Variants in FBXO31 observed in about 807,000 individuals in gnomAD.
The protein encoded by FBXO31 is F-box protein 31, also known as F-box only protein 31.
FBXO31 carries 24 observed loss-of-function variants against 54.4 expected under a neutral mutation model. The ratio of observed to expected loss-of-function variants is 0.44; its 90% CI spans 0.32 to 0.62. The LOEUF is 0.62. Among genes scored for constraint, FBXO31 ranks in the 20% least tolerant of loss-of-function variants. FBXO31 has a pLI of 0.05. For missense variants in FBXO31, 665 were observed against 787.1 expected, an observed-to-expected ratio of 0.84 and a Z score of 1.86; for synonymous variants, 388 against 335.6, an observed-to-expected ratio of 1.16 and a Z score of -1.71.
chr16:87,360,907 G>C (rs1218843988), intron 1 of FBXO31, among the ~76,000 whole-genome samples: 1 of 152,150 alleles, frequency 6.6e-6, no homozygotes. Context: ...GCCCAGTGCA[G>C]GGCCCTGGAC....
At position 87,343,842 on chromosome 16, in the gene FBXO31, C is replaced by T. The variant is rs766920382; in HGVS notation, c.490-77G>A. On this transcript the variant is annotated intron_variant, in intron 3 of 8. Coordinates refer to ENST00000311635, the MANE Select transcript of FBXO31 (RefSeq NM_024735.5). ...GGGCGGCCCCGCACGGCTCCCCGCA[C>T]TGCAATGGCACAGAGAAGCTCCTGC... is the stretch of plus-strand genomic sequence containing the variant. 5 of 1,521,786 alleles carry T rather than the reference C, an allele frequency of 3.3e-6. No individual in the cohort carries two copies. The African/African-American group carries it at 6.8e-5, about 21-fold the overall frequency. The allele number at this position is 1,521,786 out of a possible 1,614,324, so 94.3% of individuals were successfully genotyped here.
In FBXO31 at chr16:87,327,176, T is replaced by C. The variant is rs137954513; in HGVS notation, c.*4112A>G. 2.6e-5 allele frequency: 4 copies of C among 152,798 alleles called. No homozygotes were observed. The highest frequency in any genetic ancestry group is 9.6e-5 in the African/African-American group (4 of 41,576). 9.5% of individuals were successfully genotyped at this position (152,798 alleles called of 1,614,324 possible). A position where few individuals can be genotyped will look rare whatever the true frequency, so the allele number is the denominator to read the frequency against. ...ATCAGATGGCACAGCGCTTTCCTAATGCAGGCAGGCTACATGGCCCCCAGA... is the reference window on the plus strand; with the variant it reads ...ATCAGATGGCACAGCGCTTTCCTAACGCAGGCAGGCTACATGGCCCCCAGA... On this transcript the variant is annotated 3_prime_UTR_variant, in exon 9 of 9. Coordinates refer to ENST00000311635, the MANE Select transcript of FBXO31 (RefSeq NM_024735.5).
chr16:87,383,377 C>T lies in FBXO31; in HGVS notation c.340+28G>A. On this transcript the variant is annotated intron_variant, in intron 1 of 8. Transcript: ENST00000311635. The surrounding 1 kb of genome is among the most constrained non-coding windows in gnomAD (Gnocchi z 4.9). ...CACCTGGCAGGGACCCCCCGCCCCT[C>T]CCGGCCCCGCCACCCCCGCGCGCTC... 1.4e-6 allele frequency: 2 copies of T among 1,475,756 alleles called. No homozygotes were observed. Among genetic ancestry groups the T allele is most frequent in the Non-Finnish European group, 1.8e-6 (2 of 1,094,034 alleles). 91.4% of individuals were successfully genotyped at this position (1,475,756 alleles called of 1,614,324 possible). A position where few individuals can be genotyped will look rare whatever the true frequency, so the allele number is the denominator to read the frequency against.
chr16:87,369,691 A>C (rs118187521), intron 1 of FBXO31, among the ~76,000 whole-genome samples: 1 of 152,188 alleles, frequency 6.6e-6, no homozygotes, highest in African/African-American at 2.4e-5. Context: ...TATACCCAGA[A>C]GGAGACTTTT....
At chr16:87,371,176 A>G (rs925749360) in intron 1 of FBXO31, among the ~76,000 whole-genome samples, 1 of 152,262 alleles carries the variant, frequency 6.6e-6, no homozygotes, top group Non-Finnish European at 1.5e-5. Context: ...ACATCAGAGT[A>G]TGTGGGTGCT....
At chr16:87,341,767 T>C (rs1330218325) in intron 5 of FBXO31, among the ~76,000 whole-genome samples, 1 of 152,160 alleles carries the variant, frequency 6.6e-6, no homozygotes, top group East Asian at 1.9e-4. Context: ...ACATTTCCGT[T>C]ACTGATCATC....
chr16:87,353,024 C>T (rs1230803130), intron 2 of FBXO31, among the ~76,000 whole-genome samples: 1 of 152,138 alleles, frequency 6.6e-6, no homozygotes, highest in Non-Finnish European at 1.5e-5. Flanking sequence ...AAGGTGTTGG[C>T]CTGTGTTGCT....
intron 1 of FBXO31, among the ~76,000 whole-genome samples, chr16:87,381,362 C>A (rs565316117): frequency 6.2e-4 from 94 of 152,330 alleles, no homozygotes; most frequent in African/African-American, 1.9e-3. Context: ...ATCATCAACA[C>A]CCACTAGCTA....
At chr16:87,382,024 CA>C (rs567465446) in intron 1 of FBXO31, among the ~76,000 whole-genome samples, 147 of 135,990 alleles carry the variant, frequency 1.1e-3, no homozygotes, top group Middle Eastern at 7.5e-3. Context: ...GACTCCGTCT[CA>C]AAAAAAAAAA....
intron 2 of FBXO31, among the ~76,000 whole-genome samples, chr16:87,357,571 A>G (rs1597370642): frequency 6.6e-6 from 1 of 151,970 alleles, no homozygotes; most frequent in Admixed American, 6.6e-5. Context: ...CAGATGATCC[A>G]CCTGCCTCGG....
intron 2 of FBXO31, among the ~76,000 whole-genome samples, chr16:87,350,480 C>T (rs2318448): frequency 0.013 from 1,951 of 152,270 alleles, 45 homozygotes; most frequent in African/African-American, 0.042. Context: ...TTTACGGTCA[C>T]ACCTAGACGG....
chr16:87,333,901 C>A lies in FBXO31; in HGVS notation c.1382G>T (p.Arg461Leu). Residue 461 changes from arginine (R) to leucine (L), a missense_variant, in exon 8 of 9, where the codon CGA becomes CTA. Transcript: ENST00000311635. ...GCATCCTTACCACATCCTGCAGGTT[C>A]GGGGGTAGTCCTCATTCCTGGAGCT... ...GVSSRNEDYP[R>L]TCRMCFYGTG... The A allele has an allele frequency of 6.2e-7, 1 of 1,604,722 alleles. No homozygotes were observed.
In FBXO31 at chr16:87,331,190, C is replaced by A; in HGVS notation, c.*98G>T. 7.8e-7 allele frequency: 1 copy of A among 1,289,362 alleles called. No individual in the cohort carries two copies. The highest frequency in any genetic ancestry group is 1.5e-5 in the African/African-American group (1 of 68,436). The allele number at this position is 1,289,362 out of a possible 1,614,324, so 79.9% of individuals were successfully genotyped here. ...CCCCCGACGAGGTGTGCGTTCTGGT[C>A]AAAAGGCCGGATTTCCAAAGTGCAT... On this transcript the variant is annotated 3_prime_UTR_variant, in exon 9 of 9. Transcript: ENST00000311635.
At chr16:87,388,526 C>T (rs532059898), upstream of FBXO31, among the ~76,000 whole-genome samples, 54 of 152,296 alleles carry the variant, frequency 3.5e-4, no homozygotes, top group African/African-American at 1.2e-3. Flanking sequence ...AGGGAGAGGC[C>T]GAGGAGGCCT....
Position 87,329,317 on chromosome 16 carries a change from C to T in FBXO31, c.*1971G>A, listed in dbSNP as rs1358684589. The T allele has an allele frequency of 6.6e-6, 1 of 152,332 alleles. No homozygotes were observed. Among genetic ancestry groups the T allele is most frequent in the African/African-American group, 2.4e-5 (1 of 41,470 alleles). 9.4% of individuals were successfully genotyped at this position (152,332 alleles called of 1,614,324 possible). On this transcript the variant is annotated 3_prime_UTR_variant, in exon 9 of 9. Transcript: ENST00000311635. Reference sequence around the variant, plus strand: ...TGATGGGTGGAAGCTATTTCTATACCCAAACACTGGAAGCGTAATTGAGAT... The same window carrying T: ...TGATGGGTGGAAGCTATTTCTATACTCAAACACTGGAAGCGTAATTGAGAT...
At chr16:87,368,665 G>A (rs1446859444) in intron 1 of FBXO31, among the ~76,000 whole-genome samples, 1 of 150,024 alleles carries the variant, frequency 6.7e-6, no homozygotes, top group Non-Finnish European at 1.5e-5. Context: ...GAAGTGTGCT[G>A]GGTAATTATC....
At chr16:87,388,160 G>A (rs540253851), upstream of FBXO31, among the ~76,000 whole-genome samples, 163 of 152,348 alleles carry the variant, frequency 1.1e-3, no homozygotes, top group Non-Finnish European at 1.9e-3. Flanking sequence ...TGCGGGTCGC[G>A]TGACTGATTT....
At chr16:87,381,446 C>G (rs1907073286) in intron 1 of FBXO31, among the ~76,000 whole-genome samples, 1 of 152,224 alleles carries the variant, frequency 6.6e-6, no homozygotes, top group African/African-American at 2.4e-5. Flanking sequence ...AGCAGCACTT[C>G]CCACTCATGC....
At chr16:87,356,730 T>C (rs532499094) in intron 2 of FBXO31, among the ~76,000 whole-genome samples, 22 of 152,308 alleles carry the variant, frequency 1.4e-4, no homozygotes, top group Non-Finnish European at 2.8e-4. Flanking sequence ...TTTCAGTTGG[T>C]GTTTTTAGAA....
Sources: gnomAD v4.1 joint callset for allele counts (sites outside exome capture counted in the v4.1 genomes callset) on GRCh38, gnomAD v4.1.1 for gene constraint, Gnocchi (gnomAD v3.1) non-coding constraint, MANE v1.5 for transcripts, NCBI Gene and HGNC (gene_info 2026-07-23, HGNC 2026-07-21) for gene names.